The following RTN4RL1 variants were observed in gnomAD, a reference collection of about 807,000 sequenced individuals.
RTN4RL1 encodes reticulon-4 receptor-like 1.
In RTN4RL1, 7 loss-of-function variants were observed where a neutral mutation model predicts 25.6. The ratio of observed to expected loss-of-function variants is 0.27; its 90% CI spans 0.16 to 0.51. The LOEUF (loss-of-function observed/expected upper bound fraction) is 0.51, where lower values mean the gene tolerates loss of function less well. RTN4RL1 is among the 20% of genes least tolerant of loss of function. RTN4RL1 has a pLI of 0.97. For missense variants in RTN4RL1, 500 were observed against 615.6 expected (o/e 0.81, Z 1.99); for synonymous variants, 297 against 288.2 (o/e 1.03, Z -0.31).
chr17:2,023,090 A>G (rs995194098), intron 1 of RTN4RL1, among the ~76,000 whole-genome samples: 7 of 152,218 alleles, frequency 4.6e-5, no homozygotes, highest in African/African-American at 1.7e-4. Context: ...GCCAAAAGAC[A>G]AAAGACCAAA....
At chr17:1,969,375 A>C (rs1232621368) in intron 1 of RTN4RL1, among the ~76,000 whole-genome samples, 1 of 152,128 alleles carries the variant, frequency 6.6e-6, no homozygotes, top group African/African-American at 2.4e-5. Flanking sequence ...TGTCTCTAGC[A>C]AACAATCCGA....
intron 1 of RTN4RL1, among the ~76,000 whole-genome samples, chr17:2,005,812 T>G (rs2066990799): frequency 1.3e-5 from 2 of 149,096 alleles, no homozygotes; most frequent in African/African-American, 4.9e-5. Flanking sequence ...TTTTTTTTTT[T>G]TTGACACAGA....
chr17:1,964,656 T>C (rs189727671), intron 1 of RTN4RL1, among the ~76,000 whole-genome samples: 2,913 of 151,634 alleles, frequency 0.019, 37 homozygotes, highest in South Asian at 0.031. Context: ...GGCGTGAACC[T>C]GGGAGGCGGA....
intron 1 of RTN4RL1, among the ~76,000 whole-genome samples, chr17:1,946,230 C>T (rs1318414663): frequency 6.6e-6 from 1 of 152,234 alleles, no homozygotes; most frequent in Non-Finnish European, 1.5e-5. Flanking sequence ...ACAGGTCAGT[C>T]ATCCAGGTCA....
At chr17:1,945,318 G>A (rs932206815) in intron 1 of RTN4RL1, among the ~76,000 whole-genome samples, 1 of 152,150 alleles carries the variant, frequency 6.6e-6, no homozygotes, top group Non-Finnish European at 1.5e-5. Flanking sequence ...CACCTCCCGG[G>A]TTCAAGCGAT....
Position 1,964,711 on chromosome 17 carries a change from G to A in RTN4RL1, c.14-26903C>T, listed in dbSNP as rs112631127. Among the ~76,000 whole-genome samples, 210 of 151,438 alleles carry A rather than the reference G, an allele frequency of 1.4e-3. 1 individual carries two copies. Among genetic ancestry groups the A allele is most frequent in the African/African-American group, 4.8e-3 (198 of 41,320 alleles). On this transcript the variant is annotated intron_variant, in intron 1 of 1. Coordinates refer to ENST00000331238, the MANE Select transcript of RTN4RL1 (RefSeq NM_178568.4). The stretch of plus-strand genomic sequence containing the variant: ...CACACCAGTGCACTCCAGCCTGGGC[G>A]ACAGAGCAAGAACCTGTCTCTAAAA...
chr17:1,960,669 C>T (rs1286148736), intron 1 of RTN4RL1, among the ~76,000 whole-genome samples: 2 of 152,144 alleles, frequency 1.3e-5, no homozygotes, highest in Non-Finnish European at 2.9e-5. Flanking sequence ...TTTTCCTCAC[C>T]CCAAAAGGAA....
chr17:1,974,060 A>AG (rs2066832163), intron 1 of RTN4RL1, among the ~76,000 whole-genome samples: 1 of 147,548 alleles, frequency 6.8e-6, no homozygotes, highest in Non-Finnish European at 1.5e-5. Flanking sequence ...AAAAAAAAAA[A>AG]GCTATCCTTA....
At chr17:2,004,565 T>G (rs2066981038) in intron 1 of RTN4RL1, among the ~76,000 whole-genome samples, 1 of 152,046 alleles carries the variant, frequency 6.6e-6, no homozygotes, top group African/African-American at 2.4e-5. Flanking sequence ...GCACCAGTGT[T>G]CTGGGGAGGC....
In RTN4RL1 at chr17:1,937,272, T is replaced by C. The variant is rs368659161; in HGVS notation, c.550A>G (p.Lys184Glu). 22 of 1,612,596 alleles carry C rather than the reference T, an allele frequency of 1.4e-5. No individual in the cohort carries two copies. Among genetic ancestry groups the C allele is most frequent in the Non-Finnish European group, 1.8e-5 (21 of 1,179,852 alleles). Residue 184 changes from lysine to glutamate, a missense_variant, in exon 2 of 2, where the codon AAG becomes GAG. Around this residue, in one of 2 missense-constraint regions of RTN4RL1, gnomAD observed 232 missense variants for 341.1 expected, o/e 0.68. Coordinates refer to ENST00000331238, the MANE Select transcript of RTN4RL1 (RefSeq NM_178568.4). ...NLSHLFLHGNKLWSLGPGTFR... is the reference protein window; with the variant it reads ...NLSHLFLHGNELWSLGPGTFR... ...GTGCCCGGGCCCAGACTCCACAGCT[T>C]GTTGCCGTGGAGAAACAGGTGGCTG...
intron 1 of RTN4RL1, among the ~76,000 whole-genome samples, chr17:1,967,140 C>A (rs1450792951): frequency 2.0e-5 from 3 of 149,128 alleles, no homozygotes; most frequent in Non-Finnish European, 2.9e-5. Context: ...CCCAGGCTCC[C>A]GCCGCTCCTC....
chr17:1,971,113 C>A (rs1179609460), intron 1 of RTN4RL1, among the ~76,000 whole-genome samples: 1 of 152,122 alleles, frequency 6.6e-6, no homozygotes, highest in African/African-American at 2.4e-5. Flanking sequence ...AGATCTCATC[C>A]CTTATTGTAA....
At position 1,937,507 on chromosome 17, in the gene RTN4RL1, C is replaced by G. The variant is rs1281642651; in HGVS notation, c.315G>C (p.Leu105=). 6.2e-7 allele frequency: 1 copy of G among 1,613,962 alleles called. No homozygotes were observed. Among genetic ancestry groups the G allele is most frequent in the East Asian group, 2.2e-5 (1 of 44,866 alleles). The change falls in exon 2 of 2, where the codon CTG becomes CTC. Residue 105 remains leucine, a synonymous_variant. Transcript: ENST00000331238. The part of the protein sequence containing the change: ...TFEGFVHLEE[L]DLGDNRQLRT... The stretch of plus-strand genomic sequence containing the variant: ...GCAGCTGCCGGTTGTCGCCGAGGTC[C>G]AGCTCCTCCAGGTGCACGAAGCCCT...
intron 1 of RTN4RL1, among the ~76,000 whole-genome samples, chr17:1,948,899 TCTC>T (rs1915618816): frequency 1.3e-5 from 2 of 151,816 alleles, no homozygotes; most frequent in Admixed American, 6.6e-5. Context: ...CTCAAGTCAT[TCTC>T]CTGCCTCAGC....
intron 1 of RTN4RL1, among the ~76,000 whole-genome samples, chr17:1,999,629 C>T (rs1455706245): frequency 6.6e-6 from 1 of 151,522 alleles, no homozygotes; most frequent in Non-Finnish European, 1.5e-5. Context: ...CCTGTCCCTG[C>T]ACACATGCAC....
chr17:1,993,619 G>A (rs1312141158), intron 1 of RTN4RL1, among the ~76,000 whole-genome samples: 2 of 151,972 alleles, frequency 1.3e-5, no homozygotes, highest in Non-Finnish European at 2.9e-5. Context: ...ACATAGTAAC[G>A]GTTCAATAAA....
At chr17:1,991,731 G>A (rs375575352) in intron 1 of RTN4RL1, among the ~76,000 whole-genome samples, 31 of 152,210 alleles carry the variant, frequency 2.0e-4, no homozygotes, top group African/African-American at 7.5e-4. Context: ...CCCATTCCTC[G>A]CAGCGGAAAA....
intron 1 of RTN4RL1, among the ~76,000 whole-genome samples, chr17:1,968,368 A>C (rs1346614714): frequency 6.6e-6 from 1 of 152,040 alleles, no homozygotes; most frequent in African/African-American, 2.4e-5. Flanking sequence ...CGGGTTCACC[A>C]AGTCCCATAG....
At chr17:2,000,579 G>A (rs1469956826) in intron 1 of RTN4RL1, among the ~76,000 whole-genome samples, 2 of 151,928 alleles carry the variant, frequency 1.3e-5, no homozygotes, top group East Asian at 3.9e-4. Context: ...AGGCTGGTGT[G>A]CAATGGTGCG....
Sources: gnomAD v4.1 joint callset for allele counts (sites outside exome capture counted in the v4.1 genomes callset) on GRCh38, gnomAD v4.1.1 for gene constraint, gnomAD v4.1.1 regional missense constraint, MANE v1.5 for transcripts, NCBI Gene and HGNC (gene_info 2026-07-23, HGNC 2026-07-21) for gene names.